CSMD3: variants seen among roughly 807,000 people sequenced by gnomAD.
CSMD3 encodes CUB and sushi domain-containing protein 3.
In CSMD3, 177 loss-of-function variants were observed where a neutral mutation model predicts 435.2. The observed-to-expected ratio is 0.41, with a 90% CI of 0.36 to 0.46. The LOEUF (loss-of-function observed/expected upper bound fraction) is 0.46, where lower values mean the gene tolerates loss of function less well. Among genes scored for constraint, CSMD3 ranks in the 20% least tolerant of loss-of-function variants. The pLI is 0.34. For missense variants in CSMD3, 4,265 were observed against 4,504.6 expected (o/e 0.95, Z 1.52); for synonymous variants, 1,656 against 1,520.5 (o/e 1.09, Z -2.07).
chr8:113,072,410 T>A (rs150882429), intron 5 of CSMD3, among the ~76,000 whole-genome samples: 253 of 151,862 alleles, frequency 1.7e-3, no homozygotes, highest in African/African-American at 6.0e-3. Context: ...ATTTCCCCCA[T>A]TGATTATGAT....
At chr8:113,371,535 TC>T (rs1226376935) in intron 1 of CSMD3, among the ~76,000 whole-genome samples, 1 of 152,174 alleles carries the variant, frequency 6.6e-6, no homozygotes, top group Non-Finnish European at 1.5e-5. Context: ...TTATTCTTAT[TC>T]ATCTTTTTAT....
chr8:112,859,195 C>T lies in CSMD3; in HGVS notation c.1705G>A (p.Asp569Asn), dbSNP rs2129858458. ...ACCCAGACACATTGTGCATTGCTGT[C>T]ATACTGGAACGGAAAGTTGGGAGAT... ...FTSPNFPFQY[D>N]SNAQCVWVIT... Residue 569 changes from aspartate to asparagine, a missense_variant, in exon 11 of 71, where the codon GAC becomes AAC. This residue lies in a region of CSMD3 where 731 missense variants were observed against 755.4 expected (regional missense o/e 0.97). Transcript: ENST00000297405. The T allele has an allele frequency of 6.2e-7, 1 of 1,611,024 alleles. No individual in the cohort carries two copies. The highest frequency in any genetic ancestry group is 8.5e-7 in the Non-Finnish European group (1 of 1,177,634).
At chr8:113,195,950 C>T (rs1314166346) in intron 3 of CSMD3, among the ~76,000 whole-genome samples, 1 of 150,424 alleles carries the variant, frequency 6.6e-6, no homozygotes, top group African/African-American at 2.4e-5. Context: ...ACATCCTTCT[C>T]ATACAGATAT....
intron 9 of CSMD3, among the ~76,000 whole-genome samples, chr8:112,922,169 T>C (rs2082764083): frequency 6.6e-6 from 1 of 152,120 alleles, no homozygotes; most frequent in East Asian, 1.9e-4. Flanking sequence ...ATTTAATGTA[T>C]TTAGAGATGC....
intron 5 of CSMD3, among the ~76,000 whole-genome samples, chr8:113,071,860 A>G (rs1287057412): frequency 2.0e-5 from 3 of 151,774 alleles, no homozygotes; most frequent in Non-Finnish European, 4.4e-5. Flanking sequence ...AATTTGTTAG[A>G]TTTTAATAGG....
chr8:112,289,625 G>A (rs1196522829), intron 56 of CSMD3, 87 bp from the exon 57 acceptor site: 7 of 862,686 alleles, frequency 8.1e-6, no homozygotes, highest in Non-Finnish European at 8.8e-6. Flanking sequence ...CATACCAGAA[G>A]TAAATGTTCT....
At chr8:112,550,172 A>G (rs1347300530) in intron 27 of CSMD3, among the ~76,000 whole-genome samples, 2 of 152,008 alleles carry the variant, frequency 1.3e-5, no homozygotes, top group African/African-American at 4.8e-5. Flanking sequence ...TTGTCATATT[A>G]TTGTTATAGA....
chr8:113,291,543 C>T (rs573284781), intron 2 of CSMD3, among the ~76,000 whole-genome samples: 19 of 151,854 alleles, frequency 1.3e-4, no homozygotes, highest in South Asian at 1.0e-3. Flanking sequence ...TGACTACTTT[C>T]GATAAGGCTA....
chr8:112,403,466 A>T (rs1271407643), intron 35 of CSMD3, among the ~76,000 whole-genome samples: 1 of 152,158 alleles, frequency 6.6e-6, no homozygotes, highest in African/African-American at 2.4e-5. Context: ...ACCATAGATT[A>T]GGTAAGTTTT....
chr8:113,150,857 G>A (rs150986416), intron 4 of CSMD3, among the ~76,000 whole-genome samples: 4 of 151,982 alleles, frequency 2.6e-5, no homozygotes, highest in African/African-American at 7.2e-5. Flanking sequence ...AACTGACATC[G>A]TTCTTTCGGT....
chr8:112,519,326 A>G (rs1281031597), intron 27 of CSMD3, among the ~76,000 whole-genome samples: 2 of 152,204 alleles, frequency 1.3e-5, no homozygotes, highest in Non-Finnish European at 2.9e-5. Context: ...TCGTAATAAT[A>G]TCATAAAAGG....
At chr8:112,548,100 C>T (rs914455566) in intron 27 of CSMD3, among the ~76,000 whole-genome samples, 8 of 152,124 alleles carry the variant, frequency 5.3e-5, no homozygotes, top group Non-Finnish European at 1.0e-4. Flanking sequence ...ACTTTAGAAA[C>T]TAGATGACTT....
In CSMD3 at chr8:112,557,207, A is replaced by G. The variant is rs184529896; in HGVS notation, c.4043-253T>C. Reference sequence around the variant, plus strand: ...CTATATAATTACCATGGCTTGTGGTACTAAGCTTCCTGTCTGCTTCAAGTG... The same window carrying G: ...CTATATAATTACCATGGCTTGTGGTGCTAAGCTTCCTGTCTGCTTCAAGTG... On this transcript the variant is annotated intron_variant, in intron 24 of 70. Transcript: ENST00000297405. Among the ~76,000 whole-genome samples the G allele has an allele frequency of 3.6e-3, 541 of 151,970 alleles. 2 individuals carry two copies. The highest frequency in any genetic ancestry group is 0.013 in the African/African-American group (519 of 41,490).
chr8:112,927,592 T>C (rs976180465), intron 9 of CSMD3, among the ~76,000 whole-genome samples: 2 of 152,150 alleles, frequency 1.3e-5, no homozygotes, highest in African/African-American at 4.8e-5. Context: ...AAAGGGATGA[T>C]AAATTACTTT....
rs1190409468 is a variant in CSMD3 at position 112,337,022 on chromosome 8, CAT to C, written c.6842-195_6842-194del. ...GAGTCAACTTTTATTTATTTTTCCACATGAGGTATACTAAATAATTGTTATTA... is the reference window on the plus strand; with the variant it reads ...GAGTCAACTTTTATTTATTTTTCCACGAGGTATACTAAATAATTGTTATTA... On this transcript the variant is annotated intron_variant, in intron 43 of 70. Coordinates refer to ENST00000297405, the MANE Select transcript of CSMD3 (RefSeq NM_198123.2). 3.9e-5 allele frequency among the ~76,000 whole-genome samples: 6 copies of C among 152,084 alleles called. No individual in the cohort carries two copies. In the East Asian group the frequency reaches 1.2e-3, roughly 29 times the overall value.
At chr8:113,095,623 AT>A (rs2090141164) in intron 5 of CSMD3, among the ~76,000 whole-genome samples, 1 of 152,136 alleles carries the variant, frequency 6.6e-6, no homozygotes, top group Non-Finnish European at 1.5e-5. Flanking sequence ...TGTCTGTGGG[AT>A]CTGTATTAGC....
chr8:113,307,916 T>G (rs1387214359), intron 2 of CSMD3, among the ~76,000 whole-genome samples: 1 of 152,146 alleles, frequency 6.6e-6, no homozygotes, highest in East Asian at 1.9e-4. Flanking sequence ...ATTTGGCAGT[T>G]TTTTCTTATG....
chr8:112,994,026 G>A (rs1587845603), intron 6 of CSMD3, among the ~76,000 whole-genome samples: 1 of 151,718 alleles, frequency 6.6e-6, no homozygotes. Context: ...GTAAAGAATG[G>A]GTTGTAGAGA....
chr8:113,141,852 T>C (rs1312365050), intron 4 of CSMD3, among the ~76,000 whole-genome samples: 1 of 151,020 alleles, frequency 6.6e-6, no homozygotes, highest in Non-Finnish European at 1.5e-5. Flanking sequence ...AAAATAACAT[T>C]TGCAGATGTT....
Sources: gnomAD v4.1 joint callset for allele counts (sites outside exome capture counted in the v4.1 genomes callset) on GRCh38, gnomAD v4.1.1 for gene constraint, gnomAD v4.1.1 regional missense constraint, MANE v1.5 for transcripts, NCBI Gene and HGNC (gene_info 2026-07-23, HGNC 2026-07-21) for gene names.